MEF2A: variants seen among roughly 807,000 people sequenced by gnomAD.
MEF2A encodes the protein myocyte-specific enhancer factor 2A.
MEF2A carries 28 observed loss-of-function variants against 55.8 expected under a neutral mutation model. The observed-to-expected ratio is 0.50, with a 90% CI of 0.37 to 0.69. MEF2A has a LOEUF of 0.69. Among genes scored for constraint, MEF2A ranks in the 30% least tolerant of loss-of-function variants. The pLI is 0.00. For missense variants in MEF2A, 528 were observed against 626.2 expected (o/e 0.84, Z 1.67); for synonymous variants, 239 against 227.1 (o/e 1.05, Z -0.47).
chr15:99,591,511 T>C (rs1969282568), intron 1 of MEF2A, among the ~76,000 whole-genome samples: 1 of 152,198 alleles, frequency 6.6e-6, no homozygotes, highest in Non-Finnish European at 1.5e-5. Flanking sequence ...GTGGTTTCTT[T>C]GTGCTTAATC....
intron 2 of MEF2A, among the ~76,000 whole-genome samples, chr15:99,628,287 C>T (rs2042361619): frequency 6.6e-6 from 1 of 152,124 alleles, no homozygotes; most frequent in African/African-American, 2.4e-5. Flanking sequence ...TTGTGTTTTA[C>T]ATGGTGTGTC....
chr15:99,571,317 A>G (rs532690003), intron 1 of MEF2A, among the ~76,000 whole-genome samples: 1 of 152,180 alleles, frequency 6.6e-6, no homozygotes, highest in Non-Finnish European at 1.5e-5. Context: ...TTTGAGGCTT[A>G]GTGTATAAAA....
intron 4 of MEF2A, among the ~76,000 whole-genome samples, chr15:99,656,389 A>G (rs2047710969): frequency 6.6e-6 from 1 of 152,132 alleles, no homozygotes; most frequent in Non-Finnish European, 1.5e-5. Context: ...CGCAAAACCT[A>G]TGCAGCTTTG....
chr15:99,693,439 A>C (rs1371048762), intron 8 of MEF2A, among the ~76,000 whole-genome samples: 3 of 152,010 alleles, frequency 2.0e-5, no homozygotes, highest in Non-Finnish European at 4.4e-5. Context: ...ACACACACAG[A>C]TGTATGCACG....
chr15:99,602,653 G>GGTGGGTGTGTGT (rs1555454714), intron 2 of MEF2A, among the ~76,000 whole-genome samples: 6 of 44,870 alleles, frequency 1.3e-4, no homozygotes, highest in African/African-American at 1.4e-4. Context: ...ACATTCCTGG[G>GGTGGGTGTGTGT]GTGTGTGTGT....
In MEF2A at chr15:99,712,504, CCAGCAGCAGCAGCAGCAGCAGCAGCAG is replaced by C. The variant is rs3138597; in HGVS notation, c.1259_1285del (p.Gln420_Gln428del). ...GGGATCGTATGACCCCATCGGGCTT[CCAGCAGCAGCAGCAGCAGCAGCAGCAG>C]CAGCAGCCGCCGCCACCACCGCAGC... On this transcript the variant is annotated inframe_deletion, in exon 12 of 12. Coordinates refer to ENST00000557942, the MANE Select transcript of MEF2A (RefSeq NM_001319206.4). The surrounding 1 kb of genome is among the most constrained non-coding windows in gnomAD (Gnocchi z 4.1). 2.6e-6 allele frequency: 4 copies of C among 1,531,416 alleles called. No individual in the cohort carries two copies. In the African/African-American group the frequency reaches 5.5e-5, roughly 21 times the overall value. 94.9% of individuals were successfully genotyped at this position (1,531,416 alleles called of 1,614,324 possible).
At chr15:99,591,400 AATT>A (rs1969238300) in intron 1 of MEF2A, among the ~76,000 whole-genome samples, 1 of 152,000 alleles carries the variant, frequency 6.6e-6, no homozygotes, top group Non-Finnish European at 1.5e-5. Flanking sequence ...GGAGTCTGGT[AATT>A]ATTATCTTTG....
Position 99,714,430 on chromosome 15 carries a change from A to G in MEF2A, c.*1659A>G, listed in dbSNP as rs184041593. ...TCCTTGACCCTCTGAAAACAGAACGATGCAGCTGGTTACAAAATCCTACCG... is the reference window on the plus strand; with the variant it reads ...TCCTTGACCCTCTGAAAACAGAACGGTGCAGCTGGTTACAAAATCCTACCG... On this transcript the variant is annotated 3_prime_UTR_variant, in exon 12 of 12. Coordinates refer to ENST00000557942, the MANE Select transcript of MEF2A (RefSeq NM_001319206.4). 6 of 152,338 alleles carry G rather than the reference A, an allele frequency of 3.9e-5. No individual in the cohort carries two copies. The highest frequency in any genetic ancestry group is 1.4e-4 in the African/African-American group (6 of 41,556). 9.4% of individuals were successfully genotyped at this position (152,338 alleles called of 1,614,324 possible). A position where few individuals can be genotyped will look rare whatever the true frequency, so the allele number is the denominator to read the frequency against.
intron 3 of MEF2A, among the ~76,000 whole-genome samples, chr15:99,644,524 C>T (rs893324987): frequency 6.6e-6 from 1 of 152,164 alleles, no homozygotes; most frequent in African/African-American, 2.4e-5. Flanking sequence ...TCCTCTACTT[C>T]TTTAATAGCT....
intron 1 of MEF2A, among the ~76,000 whole-genome samples, chr15:99,596,610 T>C (rs1796052175): frequency 6.6e-6 from 1 of 152,206 alleles, no homozygotes. Flanking sequence ...TAAATTACCA[T>C]TTTCATTTGA....
chr15:99,583,775 G>A (rs906521263), intron 1 of MEF2A, among the ~76,000 whole-genome samples: 1 of 152,038 alleles, frequency 6.6e-6, no homozygotes, highest in Admixed American at 6.6e-5. Context: ...CTTTCAGTAT[G>A]GTTACTGATT....
intron 4 of MEF2A, among the ~76,000 whole-genome samples, chr15:99,667,523 G>C (rs1296719377): frequency 6.6e-6 from 1 of 151,916 alleles, no homozygotes; most frequent in South Asian, 2.1e-4. Context: ...GCGCCCGGCC[G>C]TAACATAGTT....
chr15:99,641,086 G>A lies in MEF2A; in HGVS notation c.55-4475G>A, dbSNP rs530815905. ...AATGGGTTAGCGGGTCCCAGCCGTC[G>A]AAAAAGCCATAGTGTCCGCAAAGAA... On this transcript the variant is annotated intron_variant, in intron 3 of 11. Coordinates refer to ENST00000557942, the MANE Select transcript of MEF2A (RefSeq NM_001319206.4). Among the ~76,000 whole-genome samples, 98 of 152,152 alleles carry A rather than the reference G, an allele frequency of 6.4e-4. 5 individuals are homozygous for A. The South Asian group carries it at 0.018, about 27-fold the overall frequency.
At chr15:99,581,098 TA>T (rs1402826383) in intron 1 of MEF2A, among the ~76,000 whole-genome samples, 2 of 152,080 alleles carry the variant, frequency 1.3e-5, no homozygotes, top group Non-Finnish European at 2.9e-5. Context: ...TTTTCCTCTA[TA>T]AATTAGTTGC....
At chr15:99,636,982 G>A (rs148650812) in intron 3 of MEF2A, among the ~76,000 whole-genome samples, 1 of 152,252 alleles carries the variant, frequency 6.6e-6, no homozygotes, top group African/African-American at 2.4e-5. Context: ...CCTTTATCAT[G>A]AGTCGAGTAA....
chr15:99,704,144 A>G (rs2057750434), intron 9 of MEF2A, among the ~76,000 whole-genome samples: 1 of 152,212 alleles, frequency 6.6e-6, no homozygotes, highest in Non-Finnish European at 1.5e-5. Context: ...AAAAACTTGA[A>G]AATGTTTCTT....
chr15:99,670,623 A>G (rs1399096144), intron 4 of MEF2A, among the ~76,000 whole-genome samples: 1 of 152,224 alleles, frequency 6.6e-6, no homozygotes, highest in Non-Finnish European at 1.5e-5. Context: ...AAAGAAAAAA[A>G]AAAAGAAAAG....
chr15:99,617,889 C>G (rs1398213231), intron 2 of MEF2A, among the ~76,000 whole-genome samples: 10 of 152,110 alleles, frequency 6.6e-5, no homozygotes, highest in Admixed American at 6.6e-4. Context: ...TCTGTTTCAT[C>G]TTTTATTCTC....
intron 1 of MEF2A, among the ~76,000 whole-genome samples, chr15:99,586,160 TA>T (rs2152916134): frequency 6.6e-6 from 1 of 152,334 alleles, no homozygotes; most frequent in East Asian, 1.9e-4. Context: ...TGTATGGACA[TA>T]TGCTTTCATT....
Sources: gnomAD v4.1 joint callset for allele counts (sites outside exome capture counted in the v4.1 genomes callset) on GRCh38, gnomAD v4.1.1 for gene constraint, Gnocchi (gnomAD v3.1) non-coding constraint, MANE v1.5 for transcripts, NCBI Gene and HGNC (gene_info 2026-07-23, HGNC 2026-07-21) for gene names.